The following TAX1BP1 variants were observed in gnomAD, a reference collection of about 807,000 sequenced individuals.
TAX1BP1 encodes tax1-binding protein 1.
A neutral mutation model predicts 97.7 loss-of-function variants in TAX1BP1; 62 were observed. The ratio of observed to expected loss-of-function variants is 0.63; its 90% CI spans 0.52 to 0.78. TAX1BP1 has a LOEUF of 0.78. Ranked by LOEUF, TAX1BP1 falls within the 30% of genes least tolerant of loss-of-function variation. The pLI is 0.00. For missense variants in TAX1BP1, 867 were observed against 916.1 expected (o/e 0.95, Z 0.69); for synonymous variants, 340 against 304.2 (o/e 1.12, Z -1.23).
At chr7:27,815,158 A>G (rs149142552) in intron 13 of TAX1BP1, among the ~76,000 whole-genome samples, 1 of 152,242 alleles carries the variant, frequency 6.6e-6, no homozygotes, top group East Asian at 1.9e-4. Flanking sequence ...TCCACTGGCT[A>G]TTTTGAATGG....
intron 12 of TAX1BP1, among the ~76,000 whole-genome samples, chr7:27,797,028 C>G (rs936877673): frequency 9.3e-5 from 14 of 150,336 alleles, no homozygotes; most frequent in African/African-American, 3.4e-4. Flanking sequence ...TACGGAGTCT[C>G]ACTCTCTCGC....
At chr7:27,746,846 A>T (rs1388225213) in intron 1 of TAX1BP1, among the ~76,000 whole-genome samples, 1 of 152,202 alleles carries the variant, frequency 6.6e-6, no homozygotes, top group Non-Finnish European at 1.5e-5. Flanking sequence ...TCAGTAAAGC[A>T]GGACTTTGGC....
At chr7:27,816,307 T>G (rs1790766234) in intron 13 of TAX1BP1, 42 bp from the exon 14 acceptor site, 1 of 1,442,698 alleles carries the variant, frequency 6.9e-7, no homozygotes, top group Non-Finnish European at 9.4e-7. Flanking sequence ...TATGAAATAT[T>G]TTATTGCTTT....
intron 3 of TAX1BP1, among the ~76,000 whole-genome samples, chr7:27,762,650 C>A (rs1481356276): frequency 3.3e-5 from 5 of 152,134 alleles, no homozygotes; most frequent in African/African-American, 1.2e-4. Flanking sequence ...TCTGTTAATA[C>A]TTTAAAAACA....
At chr7:27,807,957 C>T (rs1790405269) in intron 13 of TAX1BP1, among the ~76,000 whole-genome samples, 1 of 152,124 alleles carries the variant, frequency 6.6e-6, no homozygotes, top group African/African-American at 2.4e-5. Context: ...ATAAGAGCCC[C>T]TGCATACTAG....
intron 13 of TAX1BP1, among the ~76,000 whole-genome samples, chr7:27,813,397 C>T (rs543919427): frequency 2.5e-4 from 38 of 151,550 alleles, no homozygotes; most frequent in Middle Eastern, 6.8e-3. Context: ...CTCTGTCACC[C>T]AGGCTGGAGT....
intron 1 of TAX1BP1, among the ~76,000 whole-genome samples, chr7:27,748,064 G>A (rs1787890808): frequency 6.6e-6 from 1 of 152,020 alleles, no homozygotes; most frequent in Non-Finnish European, 1.5e-5. Flanking sequence ...GAAGCCCAAG[G>A]GTTCTACATA....
At position 27,827,746 on chromosome 7, in the gene TAX1BP1, G is replaced by C; in HGVS notation, c.2094G>C (p.Glu698Asp). The change falls in exon 16 of 17, where the codon GAG (glutamate) becomes GAC (aspartate). Residue 698 changes from glutamate (E) to aspartate (D), a missense_variant. Around this residue, in one of 3 missense-constraint regions of TAX1BP1, gnomAD observed 822 missense variants for 851.4 expected, o/e 0.97. Transcript: ENST00000396319. ...AATTATTTTTCCCCTAGGAAGATGA[G>C]AATGTGCCTACTGCTCCTGATCCTC... ...LEDSEDSKED[E>D]NVPTAPDPPS... The C allele has an allele frequency of 1.2e-6, 2 of 1,613,226 alleles. No homozygotes were observed. Among genetic ancestry groups the C allele is most frequent in the Non-Finnish European group, 1.7e-6 (2 of 1,179,598 alleles).
intron 1 of TAX1BP1, among the ~76,000 whole-genome samples, chr7:27,740,590 G>T (rs1459264149): frequency 1.3e-5 from 2 of 152,172 alleles, no homozygotes; most frequent in African/African-American, 4.8e-5. Flanking sequence ...CCCTTTGGCT[G>T]GGGACGAGTG....
intron 3 of TAX1BP1, 57 bp from the exon 4 acceptor site, chr7:27,765,777 A>G (rs1788607032): frequency 6.9e-7 from 1 of 1,452,478 alleles, no homozygotes; most frequent in East Asian, 2.3e-5. Context: ...TTAAATTGAA[A>G]TAACATGAAT....
intron 7 of TAX1BP1, 34 bp downstream of exon 7, chr7:27,785,523 G>A (rs749190531): frequency 6.4e-7 from 1 of 1,553,140 alleles, no homozygotes; most frequent in Admixed American, 1.9e-5. Context: ...ATTGCCTGTT[G>A]CTTCAAAAGA....
intron 1 of TAX1BP1, among the ~76,000 whole-genome samples, chr7:27,744,610 T>C (rs1194274547): frequency 6.6e-6 from 1 of 152,234 alleles, no homozygotes; most frequent in Non-Finnish European, 1.5e-5. Flanking sequence ...AAGTTCTTAC[T>C]ATGGTCTATT....
chr7:27,795,336 G>A (rs886749507), intron 11 of TAX1BP1, among the ~76,000 whole-genome samples: 1 of 151,932 alleles, frequency 6.6e-6, no homozygotes, highest in Non-Finnish European at 1.5e-5. Flanking sequence ...GGTGGGGTAT[G>A]GTGGCATGCG....
At chr7:27,760,101 G>C (rs183420530) in intron 3 of TAX1BP1, among the ~76,000 whole-genome samples, 2 of 151,934 alleles carry the variant, frequency 1.3e-5, no homozygotes, top group Admixed American at 6.6e-5. Context: ...TGATCCACCC[G>C]CCTCGGCCTC....
intron 5 of TAX1BP1, among the ~76,000 whole-genome samples, chr7:27,779,071 T>C (rs1356378268): frequency 6.6e-6 from 1 of 152,144 alleles, no homozygotes; most frequent in Non-Finnish European, 1.5e-5. Context: ...TTTTTTAATA[T>C]TTGTTTAATG....
At chr7:27,810,364 C>T (rs970134126) in intron 13 of TAX1BP1, among the ~76,000 whole-genome samples, 1 of 152,088 alleles carries the variant, frequency 6.6e-6, no homozygotes, top group Non-Finnish European at 1.5e-5. Flanking sequence ...CTTTCTTGTT[C>T]TAAATGTATC....
At chr7:27,785,606 C>G in intron 7 of TAX1BP1, 117 bp downstream of exon 7, 1 of 811,732 alleles carries the variant, frequency 1.2e-6, no homozygotes, top group Non-Finnish European at 2.0e-6. Flanking sequence ...TGGCTCTAGC[C>G]TCTTGTGTAG....
intron 12 of TAX1BP1, among the ~76,000 whole-genome samples, chr7:27,798,974 A>G (rs887536945): frequency 1.3e-5 from 2 of 149,582 alleles, no homozygotes; most frequent in African/African-American, 2.5e-5. Context: ...TTGCCTTTTC[A>G]TTTCCTTAAT....
chr7:27,752,270 G>C (rs1388217608), intron 2 of TAX1BP1, among the ~76,000 whole-genome samples: 1 of 152,170 alleles, frequency 6.6e-6, no homozygotes, highest in Non-Finnish European at 1.5e-5. Flanking sequence ...TCATTCTATG[G>C]CATCTCAGTA....
Sources: allele counts gnomAD v4.1 joint callset (sites outside exome capture counted in the v4.1 genomes callset), GRCh38; gene constraint gnomAD v4.1.1; regional missense constraint gnomAD v4.1.1; transcripts MANE v1.5; gene names NCBI Gene and HGNC (gene_info 2026-07-23, HGNC 2026-07-21).